Variants in TUSC3 observed in about 807,000 individuals in gnomAD.
TUSC3 encodes the protein dolichyl-diphosphooligosaccharide--protein glycosyltransferase subunit TUSC3.
TUSC3 carries 45 observed loss-of-function variants against 44.8 expected under a neutral mutation model. The ratio of observed to expected loss-of-function variants is 1.00; its 90% CI spans 0.79 to 1.29. TUSC3 has a LOEUF of 1.29. TUSC3 is among the 50% of genes most tolerant of loss of function. The pLI, the probability that TUSC3 is intolerant of heterozygous loss-of-function variation, is 0.00. For synonymous variants in TUSC3, 212 were observed against 152.9 expected (o/e 1.39, Z -2.85); for missense variants, 519 against 437.9 (o/e 1.19, Z -1.65).
At chr8:15,569,993 G>T (rs1461745566) in intron 1 of TUSC3, among the ~76,000 whole-genome samples, 1 of 151,804 alleles carries the variant, frequency 6.6e-6, no homozygotes, top group Non-Finnish European at 1.5e-5. Context: ...AAATAAATAG[G>T]TTTATTTGTA....
At chr8:15,657,735 C>CAA (rs1475178070) in intron 3 of TUSC3, among the ~76,000 whole-genome samples, 1 of 152,128 alleles carries the variant, frequency 6.6e-6, no homozygotes, top group East Asian at 1.9e-4. Context: ...AACCATTTCA[C>CAA]CTTTCCAGGT....
intron 1 of TUSC3, among the ~76,000 whole-genome samples, chr8:15,466,149 T>G (rs1800410637): frequency 6.6e-6 from 1 of 152,174 alleles, no homozygotes; most frequent in African/African-American, 2.4e-5. Context: ...CTCACTATTA[T>G]TTTGAAACAT....
At chr8:15,465,626 A>G (rs906031781) in intron 1 of TUSC3, among the ~76,000 whole-genome samples, 10 of 152,224 alleles carry the variant, frequency 6.6e-5, no homozygotes, top group Admixed American at 6.6e-4. Context: ...CTGAATTATA[A>G]AAGGCTTAAT....
At chr8:15,433,684 A>G (rs1372120086) in intron 1 of TUSC3, among the ~76,000 whole-genome samples, 1 of 152,112 alleles carries the variant, frequency 6.6e-6, no homozygotes, top group Non-Finnish European at 1.5e-5. Flanking sequence ...ATTTAACTAA[A>G]TGGAGCCATA....
At chr8:15,436,080 G>T (rs1167777491) in intron 1 of TUSC3, among the ~76,000 whole-genome samples, 1 of 152,124 alleles carries the variant, frequency 6.6e-6, no homozygotes, top group Non-Finnish European at 1.5e-5. Flanking sequence ...CACATACCTG[G>T]TACTTTGAAG....
rs1484243041 is a variant in TUSC3, at chr8:15,733,094, A to G, written c.862+2365A>G. Among the ~76,000 whole-genome samples the G allele has an allele frequency of 3.9e-5, 6 of 152,272 alleles. No individual in the cohort carries two copies. The South Asian group carries it at 1.2e-3, about 32-fold the overall frequency. On this transcript the variant is annotated intron_variant, in intron 7 of 10. Coordinates refer to ENST00000503731, the MANE Select transcript of TUSC3 (RefSeq NM_006765.4). ...GCTCAGTTTCTGCACACCTGCTTTA[A>G]TATGGTAAGAGATTAATGCTTTCTG...
At position 15,607,602 on chromosome 8, in the gene TUSC3, T is replaced by C. The variant is rs956862334; in HGVS notation, c.139-15478T>C. On this transcript the variant is annotated intron_variant, in intron 1 of 10. Coordinates refer to ENST00000503731, the MANE Select transcript of TUSC3 (RefSeq NM_006765.4). ...AAAGGTAAGCTGAGAGAATTTACAC[T>C]GAATACCCAGATATCGACTACCTAG... Among the ~76,000 whole-genome samples the C allele has an allele frequency of 6.6e-5, 10 of 152,300 alleles. No individual in the cohort carries two copies. The South Asian group carries it at 8.3e-4, about 13-fold the overall frequency.
At chr8:15,799,482 G>C in the TUSC3 span, among the ~76,000 whole-genome samples, 1 of 152,144 alleles carries the variant, frequency 6.6e-6, no homozygotes, top group South Asian at 2.1e-4. Flanking sequence ...TGGAGGAGTT[G>C]ACAACAATGA....
chr8:15,484,728 T>A (rs559706405), intron 2 of TUSC3, among the ~76,000 whole-genome samples: 2 of 152,224 alleles, frequency 1.3e-5, no homozygotes, highest in African/African-American at 4.8e-5. Context: ...AAACTGAATT[T>A]AAGCTGAAAC....
intron 10 of TUSC3, chr8:15,758,107 C>A (rs943195811): frequency 1.4e-4 from 171 of 1,241,670 alleles, no homozygotes; most frequent in Non-Finnish European, 1.7e-4. Context: ...AATGCTTCCA[C>A]CCCCAACAAA....
At chr8:15,560,506 A>G (rs138077424) in intron 1 of TUSC3, among the ~76,000 whole-genome samples, 37,620 of 150,314 alleles carry the variant, frequency 0.25, 6,083 homozygotes, top group Non-Finnish European at 0.35. Context: ...CTCGAGAAGT[A>G]TCTTTGTGGC....
At chr8:15,774,424 C>T in the TUSC3 span, among the ~76,000 whole-genome samples, 1 of 152,042 alleles carries the variant, frequency 6.6e-6, no homozygotes, top group Non-Finnish European at 1.5e-5. Context: ...GGGAGAAAAC[C>T]ATATAAAGAT....
the TUSC3 span, among the ~76,000 whole-genome samples, chr8:15,796,639 C>T: frequency 6.6e-6 from 1 of 152,202 alleles, no homozygotes; most frequent in Non-Finnish European, 1.5e-5. Flanking sequence ...TAGGGGACCA[C>T]TGTGGACTGA....
chr8:15,705,699 A>G (rs1372262500), intron 6 of TUSC3, among the ~76,000 whole-genome samples: 3 of 151,980 alleles, frequency 2.0e-5, no homozygotes. Flanking sequence ...CATCTCTTCA[A>G]TATTTAGTGG....
rs556857816 is a variant in TUSC3, at chr8:15,532,349, A to G, written n.189+48866A>G. Among the ~76,000 whole-genome samples, 20 of 152,288 alleles carry G rather than the reference A, an allele frequency of 1.3e-4. No homozygotes were observed. In the East Asian group the frequency reaches 2.9e-3, roughly 22 times the overall value. On this transcript the variant is annotated intron_variant and non_coding_transcript_variant, in intron 2 of 5. Coordinates refer to the TUSC3 transcript ENST00000503191. ...AAATGGTGTGTTTCATTTACTTTAC[A>G]TTTGTGGAGGCTGAGAAGTACCTTA...
intron 1 of TUSC3, among the ~76,000 whole-genome samples, chr8:15,559,744 T>G (rs1452708065): frequency 8.4e-6 from 1 of 119,732 alleles, no homozygotes; most frequent in African/African-American, 3.1e-5. Context: ...ATTGATCCCT[T>G]TACCATTATG....
chr8:15,783,069 C>G, the TUSC3 span, among the ~76,000 whole-genome samples: 11 of 152,188 alleles, frequency 7.2e-5, no homozygotes, highest in African/African-American at 2.6e-4. Flanking sequence ...TAACAATGAA[C>G]TATCTGAAAA....
intron 1 of TUSC3, among the ~76,000 whole-genome samples, chr8:15,570,442 T>C (rs879695808): frequency 6.6e-6 from 1 of 152,164 alleles, no homozygotes. Flanking sequence ...TAAATTCAGA[T>C]AGAGGCCTAT....
At chr8:15,721,955 T>C (rs1410161125) in intron 6 of TUSC3, among the ~76,000 whole-genome samples, 2 of 152,046 alleles carry the variant, frequency 1.3e-5, no homozygotes, top group Non-Finnish European at 2.9e-5. Context: ...TATAGTATTA[T>C]ATTTTTGTTG....
Sources: allele counts gnomAD v4.1 joint callset (sites outside exome capture counted in the v4.1 genomes callset), GRCh38; gene constraint gnomAD v4.1.1; transcripts MANE v1.5; gene names NCBI Gene and HGNC (gene_info 2026-07-23, HGNC 2026-07-21).